Variants in IL32 observed in about 807,000 individuals in gnomAD.
IL32 encodes the protein interleukin-32.
Under a neutral mutation model 16.6 loss-of-function variants are expected in IL32, and 30 were observed. The ratio of observed to expected loss-of-function variants is 1.81; its 90% CI spans 1.35 to 2.45. The LOEUF (loss-of-function observed/expected upper bound fraction) is 2.45. Among genes scored for constraint, IL32 ranks in the 30% most tolerant of loss-of-function variants. IL32 has a pLI of 0.00. For missense variants in IL32, 234 were observed against 229.8 expected, an observed-to-expected ratio of 1.02 and a Z score of -0.12; for synonymous variants, 70 against 86.1, an observed-to-expected ratio of 0.81 and a Z score of 1.03.
chr16:3,066,935 G>A (rs1596243868), intron 2 of IL32, among the ~76,000 whole-genome samples: 1 of 148,322 alleles, frequency 6.7e-6, no homozygotes, highest in South Asian at 2.1e-4. Context: ...CTGCTCTTGT[G>A]AGGAGGGGTC....
In IL32 at chr16:3,069,526, C is replaced by G. The variant is rs1956837968; in HGVS notation, c.*171C>G. ...GGCATCTTAATAAAACCTGCTTATA[C>G]TTCCCTGGCAGGGGAGATACCATGA... On this transcript the variant is annotated 3_prime_UTR_variant, in exon 7 of 7. Transcript: ENST00000525643. 3 of 815,910 alleles carry G rather than the reference C, an allele frequency of 3.7e-6. No homozygotes were observed. In the African/African-American group the frequency reaches 5.2e-5, roughly 14 times the overall value. 50.5% of individuals were successfully genotyped at this position (815,910 alleles called of 1,614,324 possible).
intron 2 of IL32, among the ~76,000 whole-genome samples, chr16:3,066,510 T>C (rs1040584615): frequency 2.0e-5 from 3 of 151,870 alleles, no homozygotes; most frequent in Non-Finnish European, 4.4e-5. Flanking sequence ...CTGTCACCAC[T>C]CTATAGTGGG....
chr16:3,069,463 G>C lies in IL32; in HGVS notation c.*108G>C. On this transcript the variant is annotated 3_prime_UTR_variant, in exon 7 of 7. Transcript: ENST00000525643. ...CCCGCACACTCAGTCCCCCTGCCTG[G>C]CGTTCCTGCCGCAGCTCTGACCTGG... The C allele has an allele frequency of 3.0e-6, 4 of 1,349,466 alleles. No homozygotes were observed. Among genetic ancestry groups the C allele is most frequent in the Non-Finnish European group, 4.0e-6 (4 of 989,010 alleles). The allele number at this position is 1,349,466 out of a possible 1,614,324, so 83.6% of individuals were successfully genotyped here.
upstream of IL32, chr16:3,065,492 C>A: frequency 6.2e-6 from 3 of 487,522 alleles, no homozygotes; most frequent in Non-Finnish European, 1.1e-5. Flanking sequence ...CTGTCTCTCT[C>A]GGGTAAGTCT....
At chr16:3,068,507 T>G in intron 6 of IL32, 1 of 482,422 alleles carries the variant, frequency 2.1e-6, no homozygotes, top group South Asian at 2.1e-5. Flanking sequence ...GAGACCAGGT[T>G]TCACCATGTT....
chr16:3,065,462 C>T, upstream of IL32: 1 of 389,714 alleles, frequency 2.6e-6, no homozygotes, highest in Non-Finnish European at 4.7e-6. Context: ...ACCCTCATTC[C>T]TCCCAGGGAC....
intron 4 of IL32, 120 bp from the exon 5 acceptor site, chr16:3,067,864 G>A (rs1956578235): frequency 4.1e-6 from 5 of 1,219,960 alleles, no homozygotes; most frequent in Admixed American, 1.8e-5. Flanking sequence ...CGTGGCCCGG[G>A]CCCCTGGCTG....
At chr16:3,065,568 C>T (rs529598872), upstream of IL32, 3 of 614,774 alleles carry the variant, frequency 4.9e-6, no homozygotes, top group South Asian at 3.8e-5. Context: ...AGCAAGGCCT[C>T]CTGCCCTGAG....
At chr16:3,068,454 C>T (rs919726462) in intron 6 of IL32, 21 of 564,386 alleles carry the variant, frequency 3.7e-5, no homozygotes, top group East Asian at 2.7e-4. Flanking sequence ...TACAGGCACC[C>T]GCCACCACTC....
rs1389703322 is a variant in IL32, at chr16:3,069,519, G to T, written c.*164G>T. ...TCGCCCTGGCATCTTAATAAAACCT[G>T]CTTATACTTCCCTGGCAGGGGAGAT... On this transcript the variant is annotated 3_prime_UTR_variant, in exon 7 of 7. Coordinates refer to ENST00000525643, the MANE Select transcript of IL32 (RefSeq NM_001376923.1). 7 of 860,394 alleles carry T rather than the reference G, an allele frequency of 8.1e-6. No individual in the cohort carries two copies. The highest frequency in any genetic ancestry group is 1.1e-5 in the Non-Finnish European group (6 of 569,166). The allele number at this position is 860,394 out of a possible 1,614,324, so 53.3% of individuals were successfully genotyped here. A position where few individuals can be genotyped will look rare whatever the true frequency, so the allele number is the denominator to read the frequency against.
Position 3,066,916 on chromosome 16 carries a change from ACGCAGGCCC to A in IL32, c.16-460_16-452del, listed in dbSNP as rs1430490870. Reference sequence around the variant, plus strand: ...GTGTGCAGGGAGGACACCCCGGCCCACGCAGGCCCTGCTCTTGTGAGGAGGGGTCACCTA... The same window carrying A: ...GTGTGCAGGGAGGACACCCCGGCCCATGCTCTTGTGAGGAGGGGTCACCTA... On this transcript the variant is annotated intron_variant, in intron 2 of 6. Transcript: ENST00000525643. Among the ~76,000 whole-genome samples, 837 of 150,650 alleles carry A rather than the reference ACGCAGGCCC, an allele frequency of 5.6e-3. 24 individuals are homozygous for A. The highest frequency in any genetic ancestry group is 0.019 in the African/African-American group (759 of 40,882).
At chr16:3,067,884 C>T (rs560499067) in intron 4 of IL32, 100 bp from the exon 5 acceptor site, 54 of 1,395,216 alleles carry the variant, frequency 3.9e-5, no homozygotes, top group South Asian at 1.2e-4. Flanking sequence ...GGGCCCAGTT[C>T]GGGGTGTGTG....
At chr16:3,067,263 A>ATGTGTCTCTGTGTG in intron 2 of IL32, 114 bp from the exon 3 acceptor site, 9 of 475,072 alleles carry the variant, frequency 1.9e-5, no homozygotes, top group South Asian at 3.1e-5. Flanking sequence ...TACCTCTGCC[A>ATGTGTCTCTGTGTG]TGTGTCTCTG....
intron 2 of IL32, among the ~76,000 whole-genome samples, chr16:3,066,179 G>A (rs1458080434): frequency 2.0e-5 from 3 of 152,134 alleles, no homozygotes; most frequent in Admixed American, 1.3e-4. Context: ...AGGCCTGTGT[G>A]GGTCCTGGTG....
In IL32 at chr16:3,065,897, G is replaced by C. The variant is rs1430884149; in HGVS notation, c.15+71G>C. On this transcript the variant is annotated intron_variant, in intron 2 of 6. Transcript: ENST00000525643. Reference sequence around the variant, plus strand: ...GACCGTAAGGGTGCGGGTGCCCTCAGTATTTCCCGAGGTGCCTGTGTGTCA... The same window carrying C: ...GACCGTAAGGGTGCGGGTGCCCTCACTATTTCCCGAGGTGCCTGTGTGTCA... The C allele has an allele frequency of 2.5e-6, 4 of 1,578,986 alleles. No homozygotes were observed. In the African/African-American group the frequency reaches 4.0e-5, roughly 16 times the overall value.
chr16:3,066,158 G>T (rs1001234616), intron 2 of IL32, among the ~76,000 whole-genome samples: 1 of 152,188 alleles, frequency 6.6e-6, no homozygotes, highest in Non-Finnish European at 1.5e-5. Context: ...AGCTGGGTGG[G>T]CCCAAGAGCA....
chr16:3,066,294 A>G (rs115567031), intron 2 of IL32, among the ~76,000 whole-genome samples: 4,678 of 152,280 alleles, frequency 0.031, 99 homozygotes, highest in Middle Eastern at 0.068. Context: ...TCGGCCTGTG[A>G]CAATAGGGGT....
intron 2 of IL32, among the ~76,000 whole-genome samples, chr16:3,066,878 T>C (rs1262074552): frequency 6.6e-6 from 1 of 150,480 alleles, no homozygotes; most frequent in Admixed American, 6.6e-5. Context: ...TGTGTGTACA[T>C]GGGGGGGTGT....
At position 3,069,311 on chromosome 16, in the gene IL32, G is replaced by A. The variant is rs1259393620; in HGVS notation, c.523G>A (p.Glu175Lys). Reference sequence around the variant, plus strand: ...CGGAGCCCCACGGGGGGACAAGGAGGAGCTGACACCCCAGAAGTGCTCTGA... The same window carrying A: ...CGGAGCCCCACGGGGGGACAAGGAGAAGCTGACACCCCAGAAGTGCTCTGA... ...SYGAPRGDKE[E>K]LTPQKCSEPQ... is the part of the protein sequence containing the mutation. Residue 175 changes from glutamate to lysine, a missense_variant, in exon 7 of 7, where the codon GAG becomes AAG. By Grantham distance (56) the Glu-to-Lys change is moderately conservative. This residue lies in a region of IL32 where 53 missense variants were observed against 46.1 expected (regional missense o/e 1.15). Transcript: ENST00000525643. 3.1e-6 allele frequency: 5 copies of A among 1,613,104 alleles called. No individual in the cohort carries two copies. The Admixed American group carries it at 6.7e-5, about 22-fold the overall frequency.
Sources: gnomAD v4.1 joint callset for allele counts (sites outside exome capture counted in the v4.1 genomes callset) on GRCh38, gnomAD v4.1.1 for gene constraint, gnomAD v4.1.1 regional missense constraint, MANE v1.5 for transcripts, NCBI Gene and HGNC (gene_info 2026-07-23, HGNC 2026-07-21) for gene names.